FHAD1: variants seen among roughly 807,000 people sequenced by gnomAD.
The protein encoded by FHAD1 is forkhead-associated domain-containing protein 1.
Under a neutral mutation model 191.3 loss-of-function variants are expected in FHAD1, and 146 were observed. That is an observed-to-expected ratio of 0.76 (90% confidence interval 0.67 to 0.88). The LOEUF (loss-of-function observed/expected upper bound fraction) is 0.88, where lower values mean the gene tolerates loss of function less well. FHAD1 is among the 40% of genes least tolerant of loss of function. The probability of loss-of-function intolerance (pLI) is 0.00; values close to 1 mark genes in which losing one functional copy is unlikely to be tolerated. For synonymous variants in FHAD1, 616 were observed against 672.3 expected, an observed-to-expected ratio of 0.92 and a Z score of 1.29; for missense variants, 1,635 against 1,785.8, an observed-to-expected ratio of 0.92 and a Z score of 1.52.
At chr1:15,324,301 C>G in intron 10 of FHAD1, 151 bp from the exon 11 acceptor site, 1 of 656,116 alleles carries the variant, frequency 1.5e-6, no homozygotes, top group Non-Finnish European at 2.8e-6. Flanking sequence ...CCTGGCTCCA[C>G]CCCGCGCACG....
At chr1:15,339,883 T>C (rs535335530) in intron 15 of FHAD1, among the ~76,000 whole-genome samples, 3 of 152,234 alleles carry the variant, frequency 2.0e-5, no homozygotes, top group East Asian at 1.9e-4. Context: ...TGGAGTACAG[T>C]GGTGCAATCT....
At chr1:15,358,426 C>T (rs1021477989) in intron 21 of FHAD1, 143 bp downstream of exon 21, 18 of 753,666 alleles carry the variant, frequency 2.4e-5, no homozygotes, top group Admixed American at 1.4e-4. Context: ...CTGTCAGGGG[C>T]TGTCCTGAGC....
intron 32 of FHAD1, among the ~76,000 whole-genome samples, chr1:15,389,447 C>CAAAAAAAAAAAAAAAAAA (rs570569622): frequency 0.025 from 1,349 of 54,084 alleles, 88 homozygotes; most frequent in Middle Eastern, 0.053. Flanking sequence ...GAACCTGTCT[C>CAAAAAAAAAAAAAAAAAA]AAAAAAAAAA....
downstream of FHAD1, among the ~76,000 whole-genome samples, chr1:15,402,476 G>A (rs939743211): frequency 2.6e-5 from 4 of 152,184 alleles, no homozygotes; most frequent in African/African-American, 9.7e-5. Flanking sequence ...TGTTGGCTAC[G>A]TATGGGATTG....
chr1:15,395,186 C>T (rs1393064678), intron 33 of FHAD1, among the ~76,000 whole-genome samples: 3 of 151,832 alleles, frequency 2.0e-5, no homozygotes, highest in East Asian at 3.9e-4. Flanking sequence ...TGCTGGCGGG[C>T]ACCTGTTGTC....
intron 21 of FHAD1, among the ~76,000 whole-genome samples, chr1:15,358,808 T>C (rs775431714): frequency 3.9e-5 from 6 of 152,166 alleles, no homozygotes; most frequent in Non-Finnish European, 8.8e-5. Flanking sequence ...ACCGACAGGT[T>C]TCTGGGCAAG....
chr1:15,242,231 T>TAA (rs36173259), upstream of FHAD1, among the ~76,000 whole-genome samples: 1 of 122,560 alleles, frequency 8.2e-6, no homozygotes, highest in Non-Finnish European at 1.7e-5. Context: ...AGACTCCATC[T>TAA]AAAAAAAAAA....
At chr1:15,320,964 C>A (rs1318463353) in intron 10 of FHAD1, among the ~76,000 whole-genome samples, 1 of 152,136 alleles carries the variant, frequency 6.6e-6, no homozygotes, top group Non-Finnish European at 1.5e-5. Context: ...GAGACAGAGT[C>A]TTGCTCTATT....
chr1:15,255,877 G>A (rs529459355), intron 2 of FHAD1, among the ~76,000 whole-genome samples: 6 of 152,308 alleles, frequency 3.9e-5, no homozygotes, highest in East Asian at 3.9e-4. Flanking sequence ...TCATGCCACC[G>A]TAAGGATTTT....
Position 15,316,517 on chromosome 1 carries a change from G to T in FHAD1, c.1260+50G>T. ...GGTACCACCAGAAAAAACAGAGTTT[G>T]ACCTTGAGGTTCTTGGTGGGATCCT... On this transcript the variant is annotated intron_variant, in intron 9 of 33. Transcript: ENST00000688493. This position sits in a 1 kb window ranked among gnomAD's most constrained non-coding sequence, Gnocchi z 4.3. The T allele has an allele frequency of 6.7e-7, 1 of 1,486,218 alleles. No homozygotes were observed. The highest frequency in any genetic ancestry group is 1.2e-5 in the South Asian group (1 of 82,624). 92.1% of individuals were successfully genotyped at this position (1,486,218 alleles called of 1,614,324 possible). A position where few individuals can be genotyped will look rare whatever the true frequency, so the allele number is the denominator to read the frequency against.
intron 2 of FHAD1, among the ~76,000 whole-genome samples, chr1:15,257,869 G>A (rs775503808): frequency 6.6e-6 from 1 of 152,034 alleles, no homozygotes; most frequent in East Asian, 1.9e-4. Context: ...ACAGAGTCTC[G>A]CTCGCTCTGT....
chr1:15,306,997 A>G (rs1670699429), intron 6 of FHAD1, among the ~76,000 whole-genome samples: 1 of 152,198 alleles, frequency 6.6e-6, no homozygotes, highest in South Asian at 2.1e-4. Context: ...TACTCCTGGA[A>G]AAGCCGCAGA....
rs193254233 is a variant in FHAD1, at chr1:15,320,972, A to G, written c.1365+3044A>G. 2.5e-3 allele frequency among the ~76,000 whole-genome samples: 383 copies of G among 152,176 alleles called. 5 individuals carry two copies. In the East Asian group the frequency reaches 0.029, roughly 11 times the overall value. On this transcript the variant is annotated intron_variant, in intron 10 of 33. Transcript: ENST00000688493. ...GTTTTTTGAGACAGAGTCTTGCTCT[A>G]TTGCCAGGCTGGAGTGCAGTGGTGC... is the stretch of plus-strand genomic sequence containing the variant.
At chr1:15,324,422 A>G (rs1677493563) in intron 10 of FHAD1, 30 bp from the exon 11 acceptor site, 1 of 1,486,910 alleles carries the variant, frequency 6.7e-7, no homozygotes, top group Admixed American at 2.0e-5. Flanking sequence ...TCACATTAGC[A>G]GCAAGTACTC....
In FHAD1 at chr1:15,251,702, A is replaced by C. The variant is rs1421550457; in HGVS notation, c.-14-69A>C. The C allele has an allele frequency of 2.5e-6, 3 of 1,195,366 alleles. No individual in the cohort carries two copies. In the East Asian group the frequency reaches 7.7e-5, roughly 31 times the overall value. The allele number at this position is 1,195,366 out of a possible 1,614,324, so 74.0% of individuals were successfully genotyped here. A position where few individuals can be genotyped will look rare whatever the true frequency, so the allele number is the denominator to read the frequency against. ...CTCTGTGGTTATTTCATTCATTTTA[A>C]GTATGATGTTGTTGAATAATTAGAG... On this transcript the variant is annotated intron_variant, in intron 1 of 33. Coordinates refer to ENST00000688493, the MANE Select transcript of FHAD1 (RefSeq NM_001391957.1).
intron 4 of FHAD1, among the ~76,000 whole-genome samples, chr1:15,291,958 T>G (rs2100639130): frequency 6.6e-6 from 1 of 152,346 alleles, no homozygotes; most frequent in Admixed American, 6.5e-5. Context: ...AGCAGCCACA[T>G]GTCTCTTAAG....
At chr1:15,387,989 T>C (rs1702587660) in intron 31 of FHAD1, 62 bp from the exon 32 acceptor site, 1 of 946,676 alleles carries the variant, frequency 1.1e-6, no homozygotes, top group African/African-American at 1.7e-5. Flanking sequence ...TGTCCCAGAT[T>C]GGAACGGGTA....
Position 15,337,455 on chromosome 1 carries a change from C to T in FHAD1, c.1907-2026C>T, listed in dbSNP as rs553419467. Among the ~76,000 whole-genome samples the T allele has an allele frequency of 2.3e-4, 35 of 152,298 alleles. No individual in the cohort carries two copies. In the South Asian group the frequency reaches 4.1e-3, roughly 18 times the overall value. On this transcript the variant is annotated intron_variant, in intron 14 of 33. Coordinates refer to ENST00000688493, the MANE Select transcript of FHAD1 (RefSeq NM_001391957.1). Reference sequence around the variant, plus strand: ...CAGCACTGAATACCTGGGCGTCTCTCGGGCCCTTAGCGGAGCTCCCTGCCT... The same window carrying T: ...CAGCACTGAATACCTGGGCGTCTCTTGGGCCCTTAGCGGAGCTCCCTGCCT...
intron 3 of FHAD1, among the ~76,000 whole-genome samples, chr1:15,278,433 T>C (rs1196751622): frequency 6.7e-6 from 1 of 150,196 alleles, no homozygotes; most frequent in Non-Finnish European, 1.5e-5. Flanking sequence ...AACTGAGGAA[T>C]AGGAAAAAGG....
Sources: allele counts gnomAD v4.1 joint callset (sites outside exome capture counted in the v4.1 genomes callset), GRCh38; gene constraint gnomAD v4.1.1; non-coding constraint Gnocchi (gnomAD v3.1); transcripts MANE v1.5; gene names NCBI Gene and HGNC (gene_info 2026-07-23, HGNC 2026-07-21).